Variants in TMEM135 observed in about 807,000 individuals in gnomAD.
TMEM135 encodes the protein peroxisomal membrane protein 52.
Under a neutral mutation model 60.3 loss-of-function variants are expected in TMEM135, and 30 were observed. The ratio of observed to expected loss-of-function variants is 0.50; its 90% CI spans 0.37 to 0.68. TMEM135 has a LOEUF of 0.68. Ranked by LOEUF, TMEM135 falls within the 30% of genes least tolerant of loss-of-function variation. TMEM135 has a pLI of 0.00. For synonymous variants in TMEM135, 190 were observed against 186.7 expected (o/e 1.02, Z -0.14); for missense variants, 468 against 548.8 (o/e 0.85, Z 1.47).
chr11:87,074,747 A>G (rs1367071997), intron 3 of TMEM135, among the ~76,000 whole-genome samples: 1 of 152,214 alleles, frequency 6.6e-6, no homozygotes, highest in Non-Finnish European at 1.5e-5. Flanking sequence ...TGAGTACTTC[A>G]GCACGTATCT....
chr11:87,241,850 A>T (rs201264492), intron 6 of TMEM135, among the ~76,000 whole-genome samples: 13,512 of 125,192 alleles, frequency 0.11, 783 homozygotes, highest in African/African-American at 0.2. Flanking sequence ...CTTTTTTTTT[A>T]AAAAAAAATT....
chr11:87,295,174 G>A (rs1045249020), intron 6 of TMEM135, among the ~76,000 whole-genome samples: 1 of 152,120 alleles, frequency 6.6e-6, no homozygotes, highest in Non-Finnish European at 1.5e-5. Flanking sequence ...ACAGTGCCCA[G>A]CTATAGTGAG....
At chr11:87,284,758 CAA>C (rs1159493765) in intron 6 of TMEM135, among the ~76,000 whole-genome samples, 2 of 152,142 alleles carry the variant, frequency 1.3e-5, no homozygotes, top group Non-Finnish European at 2.9e-5. Context: ...ATAAAGGAAA[CAA>C]AATAATCTTC....
chr11:87,202,793 G>A (rs1940144939), intron 5 of TMEM135, among the ~76,000 whole-genome samples: 1 of 150,624 alleles, frequency 6.6e-6, no homozygotes, highest in Non-Finnish European at 1.5e-5. Flanking sequence ...AGCACTTTGG[G>A]AGGCCGAGGC....
intron 3 of TMEM135, among the ~76,000 whole-genome samples, chr11:87,080,601 A>G (rs1204020032): frequency 6.6e-6 from 1 of 152,144 alleles, no homozygotes; most frequent in South Asian, 2.1e-4. Context: ...TCATGATGTC[A>G]TGATGAATTG....
chr11:87,241,171 C>A (rs1190008209), intron 6 of TMEM135, among the ~76,000 whole-genome samples: 1 of 151,958 alleles, frequency 6.6e-6, no homozygotes, highest in Admixed American at 6.6e-5. Context: ...GGCTGGACAA[C>A]CTGCAAGTCT....
intron 4 of TMEM135, among the ~76,000 whole-genome samples, chr11:87,107,225 A>G (rs572297730): frequency 6.6e-6 from 1 of 151,886 alleles, no homozygotes; most frequent in East Asian, 1.9e-4. Flanking sequence ...TAATTTATCC[A>G]TTTCTTTTAG....
At chr11:87,305,279 G>GTA (rs1265267413) in intron 8 of TMEM135, among the ~76,000 whole-genome samples, 1 of 151,938 alleles carries the variant, frequency 6.6e-6, no homozygotes, top group Non-Finnish European at 1.5e-5. Context: ...ACTTGGCAGA[G>GTA]TATATATATA....
At chr11:87,166,021 T>G (rs1031208267) in intron 5 of TMEM135, among the ~76,000 whole-genome samples, 1 of 150,604 alleles carries the variant, frequency 6.6e-6, no homozygotes, top group African/African-American at 2.5e-5. Flanking sequence ...ACACATACAC[T>G]CTCCCAAGAC....
In TMEM135 at chr11:87,263,003, G is replaced by GAA. The variant is rs35379409; in HGVS notation, c.509+26328_509+26329dup. On this transcript the variant is annotated intron_variant, in intron 6 of 14. Coordinates refer to ENST00000305494, the MANE Select transcript of TMEM135 (RefSeq NM_022918.4). Reference sequence around the variant, plus strand: ...CAAAGCATTCAACTCAGTTTTCATGGAAAAAAAAAACCTTTCTTCCTTTTT... The same window carrying GAA: ...CAAAGCATTCAACTCAGTTTTCATGGAAAAAAAAAAAACCTTTCTTCCTTTTT... 2.6e-3 allele frequency among the ~76,000 whole-genome samples: 389 copies of GAA among 150,340 alleles called. 2 individuals carry two copies. The highest frequency in any genetic ancestry group is 8.0e-3 in the African/African-American group (330 of 41,006).
At chr11:87,234,314 A>G (rs1186097068) in intron 5 of TMEM135, among the ~76,000 whole-genome samples, 1 of 152,046 alleles carries the variant, frequency 6.6e-6, no homozygotes, top group Non-Finnish European at 1.5e-5. Flanking sequence ...ACCTGGCTAG[A>G]AGATAAGTTC....
At chr11:87,284,930 T>A (rs1942136055) in intron 6 of TMEM135, among the ~76,000 whole-genome samples, 1 of 152,222 alleles carries the variant, frequency 6.6e-6, no homozygotes, top group African/African-American at 2.4e-5. Flanking sequence ...CAAACAAAAT[T>A]TAACATGAAA....
chr11:87,170,340 G>A (rs988407380), intron 5 of TMEM135, among the ~76,000 whole-genome samples: 3 of 152,034 alleles, frequency 2.0e-5, no homozygotes, highest in Non-Finnish European at 4.4e-5. Flanking sequence ...GCCAGGAGTT[G>A]TGATCCTTTG....
rs535013467 is a variant in TMEM135, at chr11:87,144,088, A to T, written c.397-13253A>T. Reference sequence around the variant, plus strand: ...TGATAAATTTCTTTTAAAATTTCAAAACTAATATATGTACCTGATTAAAAA... The same window carrying T: ...TGATAAATTTCTTTTAAAATTTCAATACTAATATATGTACCTGATTAAAAA... On this transcript the variant is annotated intron_variant, in intron 4 of 14. Coordinates refer to ENST00000305494, the MANE Select transcript of TMEM135 (RefSeq NM_022918.4). 1.2e-3 allele frequency among the ~76,000 whole-genome samples: 183 copies of T among 152,254 alleles called. 2 individuals carry two copies. The Middle Eastern group carries it at 0.014, about 11-fold the overall frequency.
chr11:87,251,948 T>C (rs1250163774), intron 6 of TMEM135, among the ~76,000 whole-genome samples: 1 of 152,212 alleles, frequency 6.6e-6, no homozygotes, highest in Non-Finnish European at 1.5e-5. Flanking sequence ...AAAGTCTTCA[T>C]CTGCAATCTG....
chr11:87,192,387 A>G (rs1171981557), intron 5 of TMEM135, among the ~76,000 whole-genome samples: 1 of 152,134 alleles, frequency 6.6e-6, no homozygotes, highest in African/African-American at 2.4e-5. Context: ...ATTTATATTC[A>G]GAAGATTGTT....
At chr11:87,167,572 GT>G (rs1388770230) in intron 5 of TMEM135, among the ~76,000 whole-genome samples, 1 of 152,098 alleles carries the variant, frequency 6.6e-6, no homozygotes, top group Non-Finnish European at 1.5e-5. Context: ...TAATCATGTG[GT>G]TTTTGCCATT....
At chr11:87,269,085 G>A (rs1253258972) in intron 6 of TMEM135, among the ~76,000 whole-genome samples, 1 of 149,140 alleles carries the variant, frequency 6.7e-6, no homozygotes, top group African/African-American at 2.5e-5. Flanking sequence ...TTTGAAATAC[G>A]CAATGCACAT....
intron 6 of TMEM135, among the ~76,000 whole-genome samples, chr11:87,264,547 C>T (rs937485322): frequency 2.6e-5 from 4 of 151,812 alleles, no homozygotes; most frequent in Non-Finnish European, 5.9e-5. Flanking sequence ...TATAATCGCT[C>T]CTGATCTTTT....
Sources: gnomAD v4.1 joint callset for allele counts (sites outside exome capture counted in the v4.1 genomes callset) on GRCh38, gnomAD v4.1.1 for gene constraint, MANE v1.5 for transcripts, NCBI Gene and HGNC (gene_info 2026-07-23, HGNC 2026-07-21) for gene names.